The following PUDP variants were observed in gnomAD, a reference collection of about 807,000 sequenced individuals.
PUDP encodes pseudouridine 5'-phosphatase.
Under a neutral mutation model 9.4 loss-of-function variants are expected in PUDP, and 8 were observed. That is an observed-to-expected ratio of 0.85 (90% CI 0.50 to 1.53). The LOEUF (loss-of-function observed/expected upper bound fraction) is 1.53, where lower values mean the gene tolerates loss of function less well. Ranked by LOEUF, PUDP falls within the 40% of genes most tolerant of loss-of-function variation. The pLI is 0.00. For missense variants in PUDP, 188 were observed against 189.7 expected, an observed-to-expected ratio of 0.99 and a Z score of 0.05; for synonymous variants, 99 against 80.7, an observed-to-expected ratio of 1.23 and a Z score of -1.22.
At chrX:7,124,252 A>T (rs934839714) in intron 1 of PUDP, among the ~76,000 whole-genome samples, 2 of 112,210 alleles carry the variant, frequency 1.8e-5, no homozygotes, top group East Asian at 5.6e-4. Flanking sequence ...TTCACAAATA[A>T]TGTGGAAATT....
chrX:6,711,676 C>G (rs1924533882), intron 1 of PUDP, among the ~76,000 whole-genome samples: 1 of 111,377 alleles, frequency 9.0e-6, no homozygotes, highest in South Asian at 3.8e-4. Flanking sequence ...TCTTCTGAGG[C>G]CTTCGTTTTG....
chrX:6,784,491 G>C (rs1602617963), intron 3 of PUDP, among the ~76,000 whole-genome samples: 1 of 111,215 alleles, frequency 9.0e-6, no homozygotes, highest in African/African-American at 3.3e-5. Context: ...TGAGAGGGTG[G>C]AGAGTCTACC....
At chrX:6,848,084 G>C (rs1292176206) in intron 3 of PUDP, among the ~76,000 whole-genome samples, 1 of 111,896 alleles carries the variant, frequency 8.9e-6, no homozygotes, top group African/African-American at 3.3e-5. Flanking sequence ...TACACCAAGG[G>C]ATCCTGTGTA....
At chrX:6,876,144 CCATA>C (rs201166285) in intron 3 of PUDP, among the ~76,000 whole-genome samples, 131 of 111,384 alleles carry the variant, frequency 1.2e-3, no homozygotes, top group African/African-American at 4.1e-3. Context: ...TTTTGAGTGC[CCATA>C]CAACCATTCT....
chrX:6,908,052 G>A (rs191121459), intron 3 of PUDP, among the ~76,000 whole-genome samples: 1 of 112,198 alleles, frequency 8.9e-6, no homozygotes, highest in African/African-American at 3.2e-5. Flanking sequence ...AGCGACCTGC[G>A]AGGTCCAGCT....
chrX:7,125,872 A>G (rs752669659), intron 1 of PUDP, among the ~76,000 whole-genome samples: 9 of 109,736 alleles, frequency 8.2e-5, no homozygotes, highest in Non-Finnish European at 1.7e-4. Flanking sequence ...TGATTCAATT[A>G]CCTCCCACCA....
At chrX:6,723,672 A>AAAAAC (rs760206977), upstream of PUDP, among the ~76,000 whole-genome samples, 37,000 of 99,561 alleles carry the variant, frequency 0.37, 6,534 homozygotes, top group African/African-American at 0.49. Context: ...ACCCCACCAA[A>AAAAAC]AAAACAAAAC....
intron 1 of PUDP, among the ~76,000 whole-genome samples, chrX:6,714,023 C>T (rs1924566274): frequency 9.0e-6 from 1 of 110,731 alleles, no homozygotes; most frequent in South Asian, 3.9e-4. Context: ...TCTCGAGTAA[C>T]TGGGACTCCA....
intron 1 of PUDP, among the ~76,000 whole-genome samples, chrX:7,035,868 G>A (rs149961432): frequency 0.018 from 1,987 of 111,672 alleles, 23 homozygotes; most frequent in Non-Finnish European, 0.028. Context: ...GAAGCTGTTT[G>A]GGTCATGGGG....
chrX:6,797,770 G>A (rs976123419), intron 3 of PUDP, among the ~76,000 whole-genome samples: 2 of 111,835 alleles, frequency 1.8e-5, no homozygotes, highest in Non-Finnish European at 3.8e-5. Flanking sequence ...CAGAAAATGT[G>A]AGAAAAGAAA....
intron 1 of PUDP, among the ~76,000 whole-genome samples, chrX:7,008,515 T>C (rs1230313013): frequency 9.0e-6 from 1 of 111,197 alleles, no homozygotes; most frequent in Non-Finnish European, 1.9e-5. Context: ...GTCACTGGCA[T>C]TCAAAGAAAT....
At chrX:6,850,512 T>C (rs1926811015) in intron 3 of PUDP, among the ~76,000 whole-genome samples, 1 of 112,468 alleles carries the variant, frequency 8.9e-6, no homozygotes, top group Admixed American at 9.4e-5. Flanking sequence ...TTAATCTAAA[T>C]GATAAATTGC....
chrX:6,996,814 C>T (rs760893389), intron 1 of PUDP, among the ~76,000 whole-genome samples: 61 of 107,824 alleles, frequency 5.7e-4, no homozygotes, highest in Non-Finnish European at 9.0e-4. Context: ...ATTACAGGTA[C>T]TCACCACCAC....
intron 3 of PUDP, among the ~76,000 whole-genome samples, chrX:6,955,454 T>C (rs566746043): frequency 1.8e-5 from 2 of 111,378 alleles, no homozygotes; most frequent in Non-Finnish European, 3.8e-5. Context: ...TAGTTCTTTA[T>C]ATGCCTTCTT....
intron 2 of PUDP, chrX:7,085,436 A>G (rs1483016899): frequency 1.8e-5 from 2 of 112,192 alleles, no homozygotes; most frequent in African/African-American, 6.5e-5. Context: ...CAGGGGCCAC[A>G]TGCAGGAAGC....
At chrX:7,032,044 TAAAACA>T (rs1929798923) in intron 1 of PUDP, among the ~76,000 whole-genome samples, 1 of 110,180 alleles carries the variant, frequency 9.1e-6, no homozygotes, top group Non-Finnish European at 1.9e-5. Context: ...AAGACAAAAA[TAAAACA>T]AAAACACATG....
intron 3 of PUDP, among the ~76,000 whole-genome samples, chrX:6,965,267 C>T (rs1211330078): frequency 1.4e-5 from 1 of 73,617 alleles, no homozygotes; most frequent in African/African-American, 5.3e-5. Context: ...ACAGGCTTAA[C>T]GCAACTCTAA....
At chrX:7,111,153 T>C (rs1042657612) in intron 1 of PUDP, among the ~76,000 whole-genome samples, 1 of 111,502 alleles carries the variant, frequency 9.0e-6, no homozygotes, top group Non-Finnish European at 1.9e-5. Context: ...TGCCTTGCCA[T>C]CCCCTTCTGC....
intron 1 of PUDP, among the ~76,000 whole-genome samples, chrX:7,106,141 T>C (rs773355976): frequency 8.9e-6 from 1 of 112,754 alleles, no homozygotes; most frequent in East Asian, 2.8e-4. Context: ...TCTAAATATA[T>C]CCTTGGAATG....
Sources: gnomAD v4.1 joint callset for allele counts (sites outside exome capture counted in the v4.1 genomes callset) on GRCh38, gnomAD v4.1.1 for gene constraint, MANE v1.5 for transcripts, NCBI Gene and HGNC (gene_info 2026-07-23, HGNC 2026-07-21) for gene names.